The following PTP4A2 variants were observed in gnomAD, a reference collection of about 807,000 sequenced individuals.
PTP4A2 encodes protein tyrosine phosphatase 4A2.
PTP4A2 carries 2 observed loss-of-function variants against 22.9 expected under a neutral mutation model. The ratio of observed to expected loss-of-function variants is 0.09; its 90% CI spans 0.04 to 0.27. PTP4A2 has a LOEUF of 0.27. Among genes scored for constraint, PTP4A2 ranks in the 10% least tolerant of loss-of-function variants. The probability of loss-of-function intolerance (pLI) is 1.00; values close to 1 mark genes in which losing one functional copy is unlikely to be tolerated. For missense variants in PTP4A2, 103 were observed against 205.1 expected (o/e 0.50, Z 3.04); for synonymous variants, 68 against 69.1 (o/e 0.98, Z 0.08).
At chr1:31,925,659 C>G (rs1408125746) in intron 1 of PTP4A2, among the ~76,000 whole-genome samples, 1 of 151,892 alleles carries the variant, frequency 6.6e-6, no homozygotes, top group East Asian at 1.9e-4. Flanking sequence ...ACTTGGCAGG[C>G]TGAGGCAGGA....
intron 1 of PTP4A2, among the ~76,000 whole-genome samples, chr1:31,924,529 T>C (rs555257636): frequency 6.6e-6 from 1 of 152,320 alleles, no homozygotes; most frequent in African/African-American, 2.4e-5. Flanking sequence ...TACTCAAAAG[T>C]TGCAGAACCC....
rs188688761 is a variant in PTP4A2 at position 31,927,331 on chromosome 1, A to G, written c.-593-7673T>C. Among the ~76,000 whole-genome samples, 381 of 152,324 alleles carry G rather than the reference A, an allele frequency of 2.5e-3. 2 individuals are homozygous for G. Among genetic ancestry groups the G allele is most frequent in the African/African-American group, 8.7e-3 (361 of 41,578 alleles). On this transcript the variant is annotated intron_variant, in intron 1 of 5. Coordinates refer to ENST00000647444, the MANE Select transcript of PTP4A2 (RefSeq NM_080391.4). ...TACACATAGACTCAAAGAGGGGAACAACAGACACTGGGGACCACTTGAGGG... is the reference window on the plus strand; with the variant it reads ...TACACATAGACTCAAAGAGGGGAACGACAGACACTGGGGACCACTTGAGGG...
chr1:31,929,262 G>A (rs141206125), intron 1 of PTP4A2, among the ~76,000 whole-genome samples: 53 of 152,170 alleles, frequency 3.5e-4, no homozygotes, highest in Middle Eastern at 6.8e-3. Flanking sequence ...TATGGCCAAC[G>A]CCGACTTTCT....
At chr1:31,936,523 G>A (rs901505697) in intron 1 of PTP4A2, among the ~76,000 whole-genome samples, 2 of 152,106 alleles carry the variant, frequency 1.3e-5, no homozygotes, top group Non-Finnish European at 2.9e-5. Context: ...CAACTTCTAG[G>A]AGACATTATT....
chr1:31,917,600 G>A (rs977310516), intron 2 of PTP4A2, among the ~76,000 whole-genome samples: 4 of 152,066 alleles, frequency 2.6e-5, no homozygotes, highest in Admixed American at 6.6e-5. Flanking sequence ...AAATCACTAA[G>A]AGTTCACCCA....
chr1:31,911,623 A>G, intron 4 of PTP4A2, 73 bp downstream of exon 4: 1 of 1,388,046 alleles, frequency 7.2e-7, no homozygotes, highest in Non-Finnish European at 9.6e-7. Context: ...AATGTCTACC[A>G]AAGTGAAACT....
rs541508058 is a variant in PTP4A2, at chr1:31,906,883, T to C, written c.*1969A>G. On this transcript the variant is annotated 3_prime_UTR_variant, in exon 6 of 6. Transcript: ENST00000647444. ...CCAGTGGAATCAACACCATCTATCT[T>C]AGCTTAGCAGGTATGCTGTTTTGAT... 1 of 152,336 alleles carries C rather than the reference T, an allele frequency of 6.6e-6. No individual in the cohort carries two copies. Among genetic ancestry groups the C allele is most frequent in the Admixed American group, 6.5e-5 (1 of 15,290 alleles). 9.4% of individuals were successfully genotyped at this position (152,336 alleles called of 1,614,324 possible). A position where few individuals can be genotyped will look rare whatever the true frequency, so the allele number is the denominator to read the frequency against.
intron 1 of PTP4A2, among the ~76,000 whole-genome samples, chr1:31,931,961 T>C (rs759854896): frequency 6.6e-5 from 10 of 152,186 alleles, no homozygotes; most frequent in Non-Finnish European, 1.0e-4. Context: ...ATATCAACAT[T>C]TGTATATAAA....
Position 31,930,113 on chromosome 1 carries a change from C to T in PTP4A2, c.-594+7874G>A, listed in dbSNP as rs562186464. On this transcript the variant is annotated intron_variant, in intron 1 of 5. Transcript: ENST00000647444. ...CAGCACTTTGGGAGGCCAAGGCGGG[C>T]GGATCACGAGGTCAGCAGATCGAGA... 3.4e-4 allele frequency among the ~76,000 whole-genome samples: 51 copies of T among 152,096 alleles called. 1 individual carries two copies. Among genetic ancestry groups the T allele is most frequent in the Admixed American group, 2.8e-3 (42 of 15,272 alleles).
intron 1 of PTP4A2, among the ~76,000 whole-genome samples, chr1:31,936,679 C>T (rs1652946678): frequency 6.6e-6 from 1 of 152,126 alleles, no homozygotes; most frequent in African/African-American, 2.4e-5. Flanking sequence ...CTTAAAAATG[C>T]CAAGATCAGA....
At chr1:31,927,330 C>A (rs1652510539) in intron 1 of PTP4A2, among the ~76,000 whole-genome samples, 1 of 152,104 alleles carries the variant, frequency 6.6e-6, no homozygotes, top group African/African-American at 2.4e-5. Flanking sequence ...AAGAGGGGAA[C>A]AACAGACACT....
At chr1:31,937,544 C>T (rs989621111) in intron 1 of PTP4A2, among the ~76,000 whole-genome samples, 1 of 151,620 alleles carries the variant, frequency 6.6e-6, no homozygotes, top group African/African-American at 2.4e-5. Context: ...TGTTCTCCCC[C>T]CACACTCACC....
At chr1:31,915,192 T>C (rs1439023097) in intron 3 of PTP4A2, among the ~76,000 whole-genome samples, 2 of 152,250 alleles carry the variant, frequency 1.3e-5, no homozygotes, top group Non-Finnish European at 2.9e-5. Flanking sequence ...AAGAGCACAC[T>C]AAATTTTGCT....
chr1:31,910,759 C>T (rs1651493413), intron 4 of PTP4A2: 1 of 152,152 alleles, frequency 6.6e-6, no homozygotes, highest in Non-Finnish European at 1.5e-5. Context: ...AAACATATTA[C>T]TTATCTCCAA....
In PTP4A2 at chr1:31,906,755, T is replaced by C. The variant is rs71569997; in HGVS notation, c.*2097A>G. On this transcript the variant is annotated 3_prime_UTR_variant, in exon 6 of 6. Coordinates refer to ENST00000647444, the MANE Select transcript of PTP4A2 (RefSeq NM_080391.4). Reference sequence around the variant, plus strand: ...GCGCGTGCACACACACACACACACATACACACACACACACACACACACACA... The same window carrying C: ...GCGCGTGCACACACACACACACACACACACACACACACACACACACACACA... 5,149 of 133,230 alleles carry C rather than the reference T, an allele frequency of 0.039. 101 individuals are homozygous for C. The highest frequency in any genetic ancestry group is 0.07 in the Middle Eastern group (19 of 270). 8.3% of individuals were successfully genotyped at this position (133,230 alleles called of 1,614,324 possible). A position where few individuals can be genotyped will look rare whatever the true frequency, so the allele number is the denominator to read the frequency against.
At chr1:31,927,869 T>C (rs1202684198) in intron 1 of PTP4A2, among the ~76,000 whole-genome samples, 1 of 152,098 alleles carries the variant, frequency 6.6e-6, no homozygotes, top group East Asian at 1.9e-4. Flanking sequence ...CTCTGTAAAA[T>C]GCTACTGTAC....
intron 1 of PTP4A2, among the ~76,000 whole-genome samples, chr1:31,926,575 A>G (rs1028992186): frequency 1.3e-5 from 2 of 152,218 alleles, no homozygotes; most frequent in African/African-American, 4.8e-5. Context: ...TAAAATAAGT[A>G]TAAAAAATCT....
rs1557871077 is a variant in PTP4A2, at chr1:31,938,129, G to A, written c.-736C>T. On this transcript the variant is annotated 5_prime_UTR_variant, in exon 1 of 6. Coordinates refer to ENST00000647444, the MANE Select transcript of PTP4A2 (RefSeq NM_080391.4). This position sits in a 1 kb window ranked among gnomAD's most constrained non-coding sequence, Gnocchi z 4.4. The stretch of plus-strand genomic sequence containing the variant: ...CGACTCCCCCCCAGCCTCGGCGCGC[G>A]ACACCCGGCCCGGCCCGGCGGCGGC... 1.4e-5 allele frequency: 2 copies of A among 139,744 alleles called. No homozygotes were observed. The highest frequency in any genetic ancestry group is 3.1e-5 in the Non-Finnish European group (2 of 64,268). The allele number at this position is 139,744 out of a possible 1,614,324, so 8.7% of individuals were successfully genotyped here.
In PTP4A2 at chr1:31,922,017, C is replaced by G. The variant is rs186575934; in HGVS notation, c.-593-2359G>C. ...ACAGTAAAAACACAAAATGTCTACC[C>G]TCAAAACTAAAAACAAAAATACATT... On this transcript the variant is annotated intron_variant, in intron 1 of 5. Coordinates refer to ENST00000647444, the MANE Select transcript of PTP4A2 (RefSeq NM_080391.4). 2.3e-3 allele frequency among the ~76,000 whole-genome samples: 343 copies of G among 152,234 alleles called. 1 individual carries two copies. The highest frequency in any genetic ancestry group is 0.014 in the Middle Eastern group (4 of 294).
Sources: gnomAD v4.1 joint callset for allele counts (sites outside exome capture counted in the v4.1 genomes callset) on GRCh38, gnomAD v4.1.1 for gene constraint, Gnocchi (gnomAD v3.1) non-coding constraint, MANE v1.5 for transcripts, NCBI Gene and HGNC (gene_info 2026-07-23, HGNC 2026-07-21) for gene names.